CHRNB3: variants seen among roughly 807,000 people sequenced by gnomAD.
CHRNB3 encodes the protein neuronal acetylcholine receptor subunit beta-3.
Under a neutral mutation model 40.6 loss-of-function variants are expected in CHRNB3, and 37 were observed. The observed-to-expected ratio is 0.91, with a 90% CI of 0.70 to 1.20. The LOEUF (loss-of-function observed/expected upper bound fraction) is 1.20, where lower values mean the gene tolerates loss of function less well. Ranked by LOEUF, CHRNB3 falls within the 50% of genes most tolerant of loss-of-function variation. CHRNB3 has a pLI of 0.00. For missense variants in CHRNB3, 505 were observed against 551.2 expected (o/e 0.92, Z 0.84); for synonymous variants, 207 against 207.1 (o/e 1.00, Z 0.00).
chr8:42,702,867 A>G (rs535171450), intron 1 of CHRNB3, among the ~76,000 whole-genome samples: 25 of 152,348 alleles, frequency 1.6e-4, no homozygotes, highest in African/African-American at 5.8e-4. Flanking sequence ...AAAAATAGCA[A>G]TAACAGCAAA....
intron 3 of CHRNB3, among the ~76,000 whole-genome samples, chr8:42,717,309 G>A (rs1252224398): frequency 8.3e-6 from 1 of 120,084 alleles, no homozygotes; most frequent in Non-Finnish European, 1.7e-5. Flanking sequence ...GGGAGGCGGA[G>A]CTTGCAGTGA....
At position 42,703,419 on chromosome 8, in the gene CHRNB3, G is replaced by A. The variant is rs538067391; in HGVS notation, c.53-5298G>A. 9.2e-3 allele frequency among the ~76,000 whole-genome samples: 312 copies of A among 33,818 alleles called. 3 individuals carry two copies. The highest frequency in any genetic ancestry group is 0.015 in the African/African-American group (292 of 19,228). The allele number at this position is 33,818 out of a possible 152,430, so 22.2% of individuals were successfully genotyped here. Reference sequence around the variant, plus strand: ...AGCCGGGGTGACAGAGCAAGACTTCGTCTAAAAAAAAAAAAAATATTTATA... The same window carrying A: ...AGCCGGGGTGACAGAGCAAGACTTCATCTAAAAAAAAAAAAAATATTTATA... On this transcript the variant is annotated intron_variant, in intron 1 of 5. Coordinates refer to ENST00000289957, the MANE Select transcript of CHRNB3 (RefSeq NM_000749.5).
rs572369481 is a variant in CHRNB3, at chr8:42,736,704, C to A, written c.*86C>A. 1 of 1,473,856 alleles carries A rather than the reference C, an allele frequency of 6.8e-7. No homozygotes were observed. The highest frequency in any genetic ancestry group is 9.4e-7 in the Non-Finnish European group (1 of 1,063,026). 91.3% of individuals were successfully genotyped at this position (1,473,856 alleles called of 1,614,324 possible). A position where few individuals can be genotyped will look rare whatever the true frequency, so the allele number is the denominator to read the frequency against. On this transcript the variant is annotated 3_prime_UTR_variant, in exon 6 of 6. Coordinates refer to ENST00000289957, the MANE Select transcript of CHRNB3 (RefSeq NM_000749.5). Reference sequence around the variant, plus strand: ...CAGAATCCAAATGCATGTGCTTGTTCTACGAACCCCGAATGCGTTGTCTTT... The same window carrying A: ...CAGAATCCAAATGCATGTGCTTGTTATACGAACCCCGAATGCGTTGTCTTT...
intron 5 of CHRNB3, among the ~76,000 whole-genome samples, chr8:42,734,352 A>G (rs140036843): frequency 0.014 from 2,112 of 151,728 alleles, 50 homozygotes; most frequent in African/African-American, 0.048. Context: ...TAGGGTTCAA[A>G]TATTTTACTC....
chr8:42,710,624 A>G (rs1815999192), intron 3 of CHRNB3, among the ~76,000 whole-genome samples, 190 bp downstream of exon 3: 1 of 152,168 alleles, frequency 6.6e-6, no homozygotes, highest in African/African-American at 2.4e-5. Flanking sequence ...CCCTGGGTAC[A>G]CACTGTTGTG....
At chr8:42,726,273 A>G in intron 3 of CHRNB3, 1 of 635,406 alleles carries the variant, frequency 1.6e-6, no homozygotes, top group Non-Finnish European at 2.8e-6. Context: ...TAAGGCAAGG[A>G]AAAGCAGTCA....
In CHRNB3 at chr8:42,737,373, C is replaced by T. The variant is rs1016164189; in HGVS notation, c.*755C>T. On this transcript the variant is annotated 3_prime_UTR_variant, in exon 6 of 6. Coordinates refer to ENST00000289957, the MANE Select transcript of CHRNB3 (RefSeq NM_000749.5). ...GCTACCAGAAGTGGATTCATTAATA[C>T]CCATTATCTTTTCCTAGTAAACTAG... The T allele has an allele frequency of 5.3e-5, 8 of 152,196 alleles. No individual in the cohort carries two copies. The highest frequency in any genetic ancestry group is 1.2e-4 in the Non-Finnish European group (8 of 68,072). The allele number at this position is 152,196 out of a possible 1,614,324, so 9.4% of individuals were successfully genotyped here. A position where few individuals can be genotyped will look rare whatever the true frequency, so the allele number is the denominator to read the frequency against.
rs754400465 is a variant in CHRNB3, at chr8:42,732,019, C to G, written c.712C>G (p.Leu238Val). Residue 238 changes from leucine to valine, a missense_variant, in exon 5 of 6, where the codon CTC (leucine) becomes GTC (valine). Coordinates refer to ENST00000289957, the MANE Select transcript of CHRNB3 (RefSeq NM_000749.5). ...GAGACGCCTGCCTTTATTCTATACCCTCTTTCTCATCATCCCCTGCCTGGG... is the reference window on the plus strand; with the variant it reads ...GAGACGCCTGCCTTTATTCTATACCGTCTTTCTCATCATCCCCTGCCTGGG... ...VLRRLPLFYTLFLIIPCLGLS... is the reference protein window; with the variant it reads ...VLRRLPLFYTVFLIIPCLGLS... 17 of 1,614,054 alleles carry G rather than the reference C, an allele frequency of 1.1e-5. No individual in the cohort carries two copies. In the South Asian group the frequency reaches 1.9e-4, roughly 18 times the overall value.
At chr8:42,725,436 A>C (rs899015421) in intron 3 of CHRNB3, 1 of 590,706 alleles carries the variant, frequency 1.7e-6, no homozygotes, top group Non-Finnish European at 3.0e-6. Context: ...TTTGAAGATA[A>C]AGCAGGAAAT....
At chr8:42,708,290 C>A (rs528772401) in intron 1 of CHRNB3, among the ~76,000 whole-genome samples, 1 of 152,216 alleles carries the variant, frequency 6.6e-6, no homozygotes, top group South Asian at 2.1e-4. Context: ...CATGAGGAAA[C>A]CCCTTCTCTA....
chr8:42,721,990 G>A (rs1207902394), intron 3 of CHRNB3: 1 of 152,162 alleles, frequency 6.6e-6, no homozygotes, highest in East Asian at 1.9e-4. Context: ...CTGGGGTTCT[G>A]TTACCAAGAG....
At chr8:42,713,250 G>A (rs78512015) in intron 3 of CHRNB3, among the ~76,000 whole-genome samples, 3,220 of 151,954 alleles carry the variant, frequency 0.021, 52 homozygotes, top group South Asian at 0.08. Context: ...ATTAGGAGTC[G>A]TTTTGGCCAA....
intron 1 of CHRNB3, among the ~76,000 whole-genome samples, chr8:42,698,806 T>C (rs1815724790): frequency 6.6e-6 from 1 of 152,218 alleles, no homozygotes; most frequent in South Asian, 2.1e-4. Context: ...GACAATTGAT[T>C]CTTACCACTC....
chr8:42,708,517 T>C (rs1815957893), intron 1 of CHRNB3, among the ~76,000 whole-genome samples, 200 bp from the exon 2 acceptor site: 1 of 151,380 alleles, frequency 6.6e-6, no homozygotes, highest in African/African-American at 2.4e-5. Flanking sequence ...TGGATTCTGT[T>C]TTCAGCTGTG....
chr8:42,725,854 T>C lies in CHRNB3; in HGVS notation c.250-4740T>C, dbSNP rs1166863733. ...CACTATACGCAGCATTTTTAGGTTCTGGGGGGTGACTTTTACAAAGACACC... is the reference window on the plus strand; with the variant it reads ...CACTATACGCAGCATTTTTAGGTTCCGGGGGGTGACTTTTACAAAGACACC... On this transcript the variant is annotated intron_variant, in intron 3 of 5. Coordinates refer to ENST00000289957, the MANE Select transcript of CHRNB3 (RefSeq NM_000749.5). 5.3e-5 allele frequency: 43 copies of C among 812,658 alleles called. No individual in the cohort carries two copies. In the Admixed American group the frequency reaches 7.3e-4, roughly 14 times the overall value. 50.3% of individuals were successfully genotyped at this position (812,658 alleles called of 1,614,324 possible). A position where few individuals can be genotyped will look rare whatever the true frequency, so the allele number is the denominator to read the frequency against.
chr8:42,703,435 A>AAAATATATATATATAT, intron 1 of CHRNB3, among the ~76,000 whole-genome samples: 1 of 47,400 alleles, frequency 2.1e-5, no homozygotes, highest in Non-Finnish European at 4.6e-5. Flanking sequence ...AAAAAAAAAA[A>AAAATATATATATATAT]ATATTTATAT....
chr8:42,721,449 C>T (rs781131319), intron 3 of CHRNB3, among the ~76,000 whole-genome samples: 32 of 152,202 alleles, frequency 2.1e-4, no homozygotes, highest in South Asian at 6.2e-4. Flanking sequence ...ATAAGCCAGG[C>T]GCAGTGGCTC....
chr8:42,722,441 T>C (rs1816235041), intron 3 of CHRNB3, among the ~76,000 whole-genome samples: 1 of 152,188 alleles, frequency 6.6e-6, no homozygotes, highest in African/African-American at 2.4e-5. Context: ...AAGCAGAGGA[T>C]GACCAAAGGC....
chr8:42,697,468 C>T lies in CHRNB3; in HGVS notation c.-79C>T, dbSNP rs1300133090. 6.9e-6 allele frequency: 9 copies of T among 1,310,010 alleles called. No homozygotes were observed. Among genetic ancestry groups the T allele is most frequent in the Non-Finnish European group, 9.9e-6 (9 of 906,404 alleles). 81.1% of individuals were successfully genotyped at this position (1,310,010 alleles called of 1,614,324 possible). A position where few individuals can be genotyped will look rare whatever the true frequency, so the allele number is the denominator to read the frequency against. ...TTCGGATTTTGAACCCCTGTATTTT[C>T]TTTTCAAAACCCCCTTTTCCAGTGG... On this transcript the variant is annotated 5_prime_UTR_variant, in exon 1 of 6. Transcript: ENST00000289957.
Sources: gnomAD v4.1 joint callset for allele counts (sites outside exome capture counted in the v4.1 genomes callset) on GRCh38, gnomAD v4.1.1 for gene constraint, MANE v1.5 for transcripts, NCBI Gene and HGNC (gene_info 2026-07-23, HGNC 2026-07-21) for gene names.